RBFOX1: variants seen among roughly 807,000 people sequenced by gnomAD.
RBFOX1 encodes the protein RNA binding protein fox-1 homolog 1.
Under a neutral mutation model 57.7 loss-of-function variants are expected in RBFOX1, and 8 were observed. The observed-to-expected ratio is 0.14, with a 90% CI of 0.08 to 0.25. RBFOX1 has a LOEUF of 0.25. Among genes scored for constraint, RBFOX1 ranks in the 10% least tolerant of loss-of-function variants. RBFOX1 has a pLI of 1.00. For synonymous variants in RBFOX1, 326 were observed against 222.4 expected (o/e 1.47, Z -4.15); for missense variants, 611 against 548.5 (o/e 1.11, Z -1.14).
chr16:6,966,753 G>C (rs113331888), intron 3 of RBFOX1, among the ~76,000 whole-genome samples: 1 of 103,812 alleles, frequency 9.6e-6, no homozygotes, highest in African/African-American at 4.0e-5. Flanking sequence ...GCCTCTATCT[G>C]TCTGTCTGTC....
chr16:6,309,978 C>CCT (rs1337956606), intron 1 of RBFOX1, among the ~76,000 whole-genome samples: 3 of 152,184 alleles, frequency 2.0e-5, no homozygotes, highest in Admixed American at 6.5e-5. Flanking sequence ...CTCACTGCAA[C>CCT]CTCTGTTCAA....
intron 3 of RBFOX1, among the ~76,000 whole-genome samples, chr16:6,667,581 C>G (rs931300450): frequency 6.6e-6 from 1 of 152,038 alleles, no homozygotes; most frequent in Non-Finnish European, 1.5e-5. Context: ...ACAGGATGCA[C>G]CTTGAATAAC....
At chr16:5,245,097 C>G (rs2062263643) in intron 1 of RBFOX1, among the ~76,000 whole-genome samples, 1 of 152,174 alleles carries the variant, frequency 6.6e-6, no homozygotes, top group Admixed American at 6.5e-5. Context: ...GAATGTGACA[C>G]AGAACTCAAG....
rs117716197 is a variant in RBFOX1, at chr16:5,716,781, T to C, written c.318+117820T>C. ...TTTGGGTACATACCCAGAAATCCCA[T>C]TGGAAACTGGAGCTCAAGGAAGCTC... On this transcript the variant is annotated intron_variant, in intron 3 of 19. Coordinates refer to the RBFOX1 transcript ENST00000641259. Among the ~76,000 whole-genome samples the C allele has an allele frequency of 2.8e-3, 426 of 152,294 alleles. 14 individuals carry two copies. In the East Asian group the frequency reaches 0.07, roughly 25 times the overall value.
chr16:6,878,092 G>C (rs1203188822), intron 3 of RBFOX1, among the ~76,000 whole-genome samples: 1 of 152,178 alleles, frequency 6.6e-6, no homozygotes, highest in Non-Finnish European at 1.5e-5. Flanking sequence ...GAATGGCTGA[G>C]ATATATGGTG....
intron 2 of RBFOX1, among the ~76,000 whole-genome samples, chr16:6,495,421 G>T (rs1027084312): frequency 4.4e-5 from 6 of 137,226 alleles, no homozygotes; most frequent in African/African-American, 1.7e-4. Flanking sequence ...TTGAGCTTCC[G>T]CGCCTGGCAG....
chr16:5,749,685 C>T (rs1020923906), intron 3 of RBFOX1, among the ~76,000 whole-genome samples: 2 of 152,214 alleles, frequency 1.3e-5, no homozygotes, highest in African/African-American at 2.4e-5. Flanking sequence ...GCATTCGTCA[C>T]GTAGTTCTTG....
At chr16:5,306,075 C>A (rs2063925326) in intron 1 of RBFOX1, among the ~76,000 whole-genome samples, 1 of 127,068 alleles carries the variant, frequency 7.9e-6, no homozygotes, top group South Asian at 2.6e-4. Context: ...GTGGAGTGCA[C>A]TGGGAGTCCC....
At chr16:7,648,307 C>T (rs186225659) in intron 11 of RBFOX1, among the ~76,000 whole-genome samples, 1 of 152,270 alleles carries the variant, frequency 6.6e-6, no homozygotes, top group African/African-American at 2.4e-5. Flanking sequence ...GCAACCTCCT[C>T]TACCTCTCCT....
chr16:5,832,191 C>CAGGT (rs1235939810), intron 3 of RBFOX1, among the ~76,000 whole-genome samples: 1 of 152,194 alleles, frequency 6.6e-6, no homozygotes, highest in Non-Finnish European at 1.5e-5. Flanking sequence ...AAAGGTCTAA[C>CAGGT]AGGTAGGCTG....
At chr16:5,791,338 T>C (rs535956763) in intron 3 of RBFOX1, among the ~76,000 whole-genome samples, 3 of 152,350 alleles carry the variant, frequency 2.0e-5, no homozygotes, top group Non-Finnish European at 4.4e-5. Context: ...TTATATCATC[T>C]TAACAGACAT....
chr16:7,199,687 A>C (rs2087777935), intron 4 of RBFOX1, among the ~76,000 whole-genome samples: 1 of 152,166 alleles, frequency 6.6e-6, no homozygotes, highest in Admixed American at 6.5e-5. Flanking sequence ...TGAGGTCAGG[A>C]GTTCAAGATC....
intron 1 of RBFOX1, among the ~76,000 whole-genome samples, chr16:6,142,390 T>A (rs1386989128): frequency 1.3e-5 from 2 of 151,620 alleles, no homozygotes; most frequent in African/African-American, 4.8e-5. Context: ...CGTGGCTAAT[T>A]TTTTGTATTT....
chr16:6,870,834 C>G (rs935084072), intron 3 of RBFOX1, among the ~76,000 whole-genome samples: 1 of 152,100 alleles, frequency 6.6e-6, no homozygotes, highest in Non-Finnish European at 1.5e-5. Flanking sequence ...GACTTCTTGT[C>G]GCTCTGAGAT....
At chr16:7,118,876 C>T (rs532862730) in intron 4 of RBFOX1, among the ~76,000 whole-genome samples, 1 of 152,110 alleles carries the variant, frequency 6.6e-6, no homozygotes, top group African/African-American at 2.4e-5. Context: ...ACATAGAGAA[C>T]TTGCTCAGAT....
chr16:5,977,879 C>T (rs574468482), intron 4 of RBFOX1, among the ~76,000 whole-genome samples: 34 of 151,956 alleles, frequency 2.2e-4, no homozygotes, highest in Non-Finnish European at 2.5e-4. Context: ...ATGAACATCA[C>T]AGGCTTAGAC....
chr16:7,514,030 C>G (rs986425646), intron 4 of RBFOX1, among the ~76,000 whole-genome samples: 1 of 152,144 alleles, frequency 6.6e-6, no homozygotes, highest in African/African-American at 2.4e-5. Flanking sequence ...CCTGCCCAAA[C>G]TACTTATGCA....
chr16:6,736,534 C>G (rs1328650036), intron 3 of RBFOX1, among the ~76,000 whole-genome samples: 2 of 152,174 alleles, frequency 1.3e-5, no homozygotes, highest in African/African-American at 4.8e-5. Context: ...ATATACATAC[C>G]TCAATTTCTT....
chr16:7,452,433 G>T lies in RBFOX1; in HGVS notation c.28-65714G>T, dbSNP rs571544203. On this transcript the variant is annotated intron_variant, in intron 4 of 15. Transcript: ENST00000550418. ...GGCCAGTTGCTTCATATTCCATGAGGTTACGTTGGTTTTCTGGCATTGGGT... is the reference window on the plus strand; with the variant it reads ...GGCCAGTTGCTTCATATTCCATGAGTTTACGTTGGTTTTCTGGCATTGGGT... 7.9e-5 allele frequency among the ~76,000 whole-genome samples: 12 copies of T among 152,320 alleles called. No individual in the cohort carries two copies. In the South Asian group the frequency reaches 1.9e-3, roughly 24 times the overall value.
Sources: allele counts gnomAD v4.1 joint callset (sites outside exome capture counted in the v4.1 genomes callset), GRCh38; gene constraint gnomAD v4.1.1; transcripts MANE v1.5; gene names NCBI Gene and HGNC (gene_info 2026-07-23, HGNC 2026-07-21).